The following CHD1L variants were observed in gnomAD, a reference collection of about 807,000 sequenced individuals.
The protein encoded by CHD1L is ATP-dependent chromatin remodeler CHD1L.
In CHD1L, 118 loss-of-function variants were observed where a neutral mutation model predicts 115.9. That is an observed-to-expected ratio of 1.02 (90% CI 0.88 to 1.19). CHD1L has a LOEUF of 1.19. Among genes scored for constraint, CHD1L ranks in the 50% most tolerant of loss-of-function variants. The pLI, the probability that CHD1L is intolerant of heterozygous loss-of-function variation, is 0.00. For synonymous variants in CHD1L, 411 were observed against 387.1 expected (o/e 1.06, Z -0.72); for missense variants, 1,179 against 1,065.3 (o/e 1.11, Z -1.49).
intron 14 of CHD1L, among the ~76,000 whole-genome samples, chr1:147,277,622 C>G (rs1679024222): frequency 6.6e-6 from 1 of 152,144 alleles, no homozygotes; most frequent in Non-Finnish European, 1.5e-5. Context: ...GACTGTGTCA[C>G]ATGCATGCTT....
the CHD1L span, chr1:147,175,257 A>G: frequency 1.3e-5 from 2 of 152,228 alleles, no homozygotes; most frequent in Admixed American, 6.5e-5. Context: ...TGACATAAAA[A>G]CAAGTTCACA....
chr1:147,221,521 A>G, the CHD1L span, among the ~76,000 whole-genome samples: 1 of 152,182 alleles, frequency 6.6e-6, no homozygotes, highest in Non-Finnish European at 1.5e-5. Context: ...TGGAATTAAG[A>G]TGTTTGCTGT....
Position 147,276,228 on chromosome 1 carries a change from C to G in CHD1L, c.1510C>G (p.Gln504Glu). The G allele has an allele frequency of 1.2e-6, 2 of 1,614,172 alleles. No homozygotes were observed. The highest frequency in any genetic ancestry group is 1.7e-6 in the Non-Finnish European group (2 of 1,180,018). The change falls in exon 14 of 23, where the codon CAG (glutamine) becomes GAG (glutamate). Residue 504 changes from glutamine to glutamate, a missense_variant. Transcript: ENST00000369258. ...AGGAGGCCATTTTACTCTGGGAGCC[C>G]AGAAACCCGCTGCCGATGCTGACCT... ...IEGGHFTLGA[Q>E]KPAADADLQL...
chr1:147,229,885 C>T, the CHD1L span, among the ~76,000 whole-genome samples: 1 of 151,832 alleles, frequency 6.6e-6, no homozygotes, highest in Non-Finnish European at 1.5e-5. Flanking sequence ...GCTGAAGTTG[C>T]TCATCAGTTT....
the CHD1L span, among the ~76,000 whole-genome samples, chr1:147,221,025 T>A: frequency 6.7e-6 from 1 of 150,290 alleles, no homozygotes; most frequent in Admixed American, 6.6e-5. Context: ...CCTTATAATA[T>A]TCCTCCCCAA....
intron 6 of CHD1L, among the ~76,000 whole-genome samples, chr1:147,264,013 C>T (rs1409123586): frequency 1.3e-5 from 2 of 152,110 alleles, no homozygotes; most frequent in Non-Finnish European, 2.9e-5. Flanking sequence ...GATGCTGTAG[C>T]GTTGGATTCT....
intron 2 of CHD1L, 137 bp downstream of exon 2, chr1:147,252,872 G>T: frequency 1.4e-6 from 1 of 689,704 alleles, no homozygotes; most frequent in Non-Finnish European, 2.5e-6. Flanking sequence ...ACTGGCTCTT[G>T]CACCGGGAAA....
At chr1:147,233,860 G>A in the CHD1L span, among the ~76,000 whole-genome samples, 1 of 151,822 alleles carries the variant, frequency 6.6e-6, no homozygotes, top group Admixed American at 6.6e-5. Flanking sequence ...TAAGGGCGGT[G>A]CAAGATGTGC....
At chr1:147,249,048 G>T (rs1159892229) in intron 1 of CHD1L, among the ~76,000 whole-genome samples, 4 of 152,108 alleles carry the variant, frequency 2.6e-5, no homozygotes, top group Non-Finnish European at 5.9e-5. Context: ...ATGTTCCAAG[G>T]TTCCATCTTT....
At chr1:147,273,058 C>T (rs1303884691) in intron 12 of CHD1L, among the ~76,000 whole-genome samples, 1 of 152,098 alleles carries the variant, frequency 6.6e-6, no homozygotes, top group Non-Finnish European at 1.5e-5. Flanking sequence ...CAAAACTTAG[C>T]TGGATGTAGT....
chr1:147,213,373 A>G, the CHD1L span: 1 of 1,613,656 alleles, frequency 6.2e-7, no homozygotes, highest in Non-Finnish European at 8.5e-7. Context: ...GACTCCATCA[A>G]AGACATTCAT....
At position 147,271,003 on chromosome 1, in the gene CHD1L, G is replaced by C; in HGVS notation, c.1157G>C (p.Arg386Thr). The C allele has an allele frequency of 6.2e-7, 1 of 1,613,730 alleles. No individual in the cohort carries two copies. The highest frequency in any genetic ancestry group is 8.5e-7 in the Non-Finnish European group (1 of 1,179,688). The stretch of plus-strand genomic sequence containing the variant: ...ATTCTCCAAGACTATATGGATTACA[G>C]AGGTGACACCTTTTGGCCACTACAT... ...LDILQDYMDY[R>T]GYSYERVDGS... is the part of the protein sequence containing the mutation. The change falls in exon 11 of 23, where the codon AGA (arginine) becomes ACA (threonine). Residue 386 changes from arginine to threonine, a missense_variant and splice_region_variant. By Grantham distance (71) the Arg-to-Thr change is moderately conservative (BLOSUM62 -1). Coordinates refer to ENST00000369258, the MANE Select transcript of CHD1L (RefSeq NM_004284.6).
the CHD1L span, among the ~76,000 whole-genome samples, chr1:147,234,401 G>C: frequency 6.6e-6 from 1 of 152,174 alleles, no homozygotes; most frequent in Non-Finnish European, 1.5e-5. Flanking sequence ...TTGTTACCCA[G>C]AGAGGAGGAA....
At chr1:147,272,441 A>G (rs1419296725) in intron 12 of CHD1L, 160 bp downstream of exon 12, 10 of 547,450 alleles carry the variant, frequency 1.8e-5, no homozygotes, top group Non-Finnish European at 3.2e-5. Context: ...GCTGTTTTCT[A>G]TCCAGCCTGT....
the CHD1L span, chr1:147,190,183 T>A: frequency 6.2e-7 from 1 of 1,606,396 alleles, no homozygotes; most frequent in African/African-American, 1.3e-5. Context: ...TTACCTTTTG[T>A]CAATTTCCTC....
chr1:147,256,484 G>C, intron 4 of CHD1L, 47 bp from the exon 5 acceptor site: 1 of 1,532,524 alleles, frequency 6.5e-7, no homozygotes, highest in South Asian at 1.1e-5. Flanking sequence ...ATCAATATCA[G>C]AGTTTATCAA....
chr1:147,190,122 T>C, the CHD1L span: 1 of 1,193,096 alleles, frequency 8.4e-7, no homozygotes, highest in African/African-American at 1.5e-5. Flanking sequence ...AATATTTCTT[T>C]TATTAAGAAA....
At chr1:147,180,502 AG>A in the CHD1L span, among the ~76,000 whole-genome samples, 1 of 152,208 alleles carries the variant, frequency 6.6e-6, no homozygotes, top group Non-Finnish European at 1.5e-5. Flanking sequence ...CATTCCGGCC[AG>A]GATGGTTTCG....
At chr1:147,278,222 G>GTTTTT (rs71083825) in intron 14 of CHD1L, among the ~76,000 whole-genome samples, 20,345 of 91,034 alleles carry the variant, frequency 0.22, 3,100 homozygotes, top group Non-Finnish European at 0.25. Context: ...TGTTTTTTGG[G>GTTTTT]TTTTTTTTTT....
Sources: allele counts gnomAD v4.1 joint callset (sites outside exome capture counted in the v4.1 genomes callset), GRCh38; gene constraint gnomAD v4.1.1; transcripts MANE v1.5; gene names NCBI Gene and HGNC (gene_info 2026-07-23, HGNC 2026-07-21).